Variants in CDK8 observed in about 807,000 individuals in gnomAD.
The protein encoded by CDK8 is cyclin-dependent kinase 8.
In CDK8, 29 loss-of-function variants were observed where a neutral mutation model predicts 71.5. The observed-to-expected ratio is 0.41, with a 90% CI of 0.30 to 0.55. The LOEUF (loss-of-function observed/expected upper bound fraction) is 0.55. Among genes scored for constraint, CDK8 ranks in the 20% least tolerant of loss-of-function variants. The pLI is 0.37. For missense variants in CDK8, 288 were observed against 572.6 expected (o/e 0.50, Z 5.07); for synonymous variants, 161 against 192.1 (o/e 0.84, Z 1.34).
At position 26,401,314 on chromosome 13, in the gene CDK8, A is replaced by G. The variant is rs751861135; in HGVS notation, c.1077A>G (p.Leu359=). 6.8e-6 allele frequency: 11 copies of G among 1,614,072 alleles called. No homozygotes were observed. The highest frequency in any genetic ancestry group is 4.2e-6 in the Non-Finnish European group (5 of 1,180,018). Reference sequence around the variant, plus strand: ...TCCCTTACCCAAAACGAGAATTTTTAACGGAAGAAGAACCTGATGACAAAG... The same window carrying G: ...TCCCTTACCCAAAACGAGAATTTTTGACGGAAGAAGAACCTGATGACAAAG... ...CQIPYPKREF[L]TEEEPDDKGD... The change falls in exon 11 of 13, where the codon TTA becomes TTG. Residue 359 remains leucine (L), a synonymous_variant. Coordinates refer to ENST00000381527, the MANE Select transcript of CDK8 (RefSeq NM_001260.3). This position sits in a 1 kb window ranked among gnomAD's most constrained non-coding sequence, Gnocchi z 4.5.
intron 4 of CDK8, among the ~76,000 whole-genome samples, chr13:26,365,222 A>G (rs1341538392): frequency 6.6e-6 from 1 of 152,174 alleles, no homozygotes; most frequent in East Asian, 1.9e-4. Flanking sequence ...AATTTAAATG[A>G]GATTTGCATT....
chr13:26,334,951 A>G (rs1345732285), intron 1 of CDK8, among the ~76,000 whole-genome samples: 1 of 152,014 alleles, frequency 6.6e-6, no homozygotes, highest in Non-Finnish European at 1.5e-5. Flanking sequence ...CTTTCTTCCT[A>G]TTACGATGGA....
intron 2 of CDK8, among the ~76,000 whole-genome samples, chr13:26,348,530 T>C (rs1340512057): frequency 6.6e-6 from 1 of 152,150 alleles, no homozygotes; most frequent in African/African-American, 2.4e-5. Flanking sequence ...TGAAACGGTT[T>C]CATCTTGAAA....
intron 1 of CDK8, among the ~76,000 whole-genome samples, chr13:26,286,842 A>T (rs1260234164): frequency 6.6e-6 from 1 of 152,226 alleles, no homozygotes; most frequent in Non-Finnish European, 1.5e-5. Context: ...TGGGCAAGGG[A>T]CATGAATAGA....
intron 1 of CDK8, among the ~76,000 whole-genome samples, chr13:26,261,991 C>G (rs1279872149): frequency 2.0e-5 from 3 of 152,234 alleles, no homozygotes; most frequent in African/African-American, 7.2e-5. Flanking sequence ...AACAGAGATT[C>G]ATACAGCTGC....
chr13:26,387,954 G>A (rs1421653531), intron 6 of CDK8, among the ~76,000 whole-genome samples: 1 of 152,174 alleles, frequency 6.6e-6, no homozygotes. Context: ...TTGTAAACCA[G>A]TGCCTACATA....
chr13:26,351,703 C>T (rs1873685560), intron 3 of CDK8, among the ~76,000 whole-genome samples: 1 of 152,052 alleles, frequency 6.6e-6, no homozygotes, highest in African/African-American at 2.4e-5. Flanking sequence ...TTATCATCAT[C>T]TTAATAATAT....
At chr13:26,258,330 C>T (rs1871619053) in intron 1 of CDK8, among the ~76,000 whole-genome samples, 1 of 152,002 alleles carries the variant, frequency 6.6e-6, no homozygotes, top group Non-Finnish European at 1.5e-5. Context: ...TATTCAAAAA[C>T]ATAAATACCT....
chr13:26,293,360 TG>T (rs1873390926), intron 1 of CDK8, among the ~76,000 whole-genome samples: 1 of 152,168 alleles, frequency 6.6e-6, no homozygotes, highest in African/African-American at 2.4e-5. Context: ...CGGAGCACTT[TG>T]GGCGGCCAAG....
intron 2 of CDK8, among the ~76,000 whole-genome samples, chr13:26,341,254 G>C (rs189898692): frequency 6.6e-6 from 1 of 152,120 alleles, no homozygotes; most frequent in African/African-American, 2.4e-5. Context: ...AGCCTCCTGA[G>C]TAGTTAGGAT....
At chr13:26,371,782 A>G (rs1593295594) in intron 4 of CDK8, among the ~76,000 whole-genome samples, 1 of 151,700 alleles carries the variant, frequency 6.6e-6, no homozygotes, top group African/African-American at 2.4e-5. Flanking sequence ...TGCCCAGCTA[A>G]TTTTTTTGTA....
In CDK8 at chr13:26,397,182, TG is replaced by T; in HGVS notation, c.892del (p.Glu298LysfsTer24). The T allele has an allele frequency of 6.3e-7, 1 of 1,595,530 alleles. No individual in the cohort carries two copies. The highest frequency in any genetic ancestry group is 8.6e-7 in the Non-Finnish European group (1 of 1,165,152). On this transcript the variant is annotated frameshift_variant, in exon 9 of 13. Transcript: ENST00000381527. LOFTEE classifies it high-confidence loss of function. ...TYTNCSLIKY[M>X]EKHKVKPDSK... ...ACCAACTGCAGCCTTATCAAGTATA[TG>T]GAAAAACATAAAGTTAAACCAGATA... is the stretch of plus-strand genomic sequence containing the variant.
chr13:26,280,455 C>T (rs535330149), intron 1 of CDK8, among the ~76,000 whole-genome samples: 6 of 152,278 alleles, frequency 3.9e-5, no homozygotes, highest in African/African-American at 9.6e-5. Context: ...CTAAGTAGCT[C>T]ATAGTGACTC....
intron 1 of CDK8, among the ~76,000 whole-genome samples, chr13:26,296,205 A>G (rs1873554436): frequency 6.6e-6 from 1 of 152,170 alleles, no homozygotes; most frequent in Non-Finnish European, 1.5e-5. Context: ...TCTTTTTAGT[A>G]ATGGTAAGGA....
intron 1 of CDK8, among the ~76,000 whole-genome samples, chr13:26,310,705 G>A (rs1426641192): frequency 6.6e-6 from 1 of 152,052 alleles, no homozygotes; most frequent in African/African-American, 2.4e-5. Context: ...TGCTCACCTC[G>A]TGCTGTGCAG....
intron 1 of CDK8, among the ~76,000 whole-genome samples, chr13:26,278,433 A>G (rs1018184193): frequency 5.9e-5 from 9 of 152,166 alleles, no homozygotes; most frequent in African/African-American, 1.9e-4. Flanking sequence ...TCCTCCGACC[A>G]CCGTTTCCCT....
intron 1 of CDK8, among the ~76,000 whole-genome samples, chr13:26,320,429 GAAAC>G (rs1470168144): frequency 1.3e-5 from 2 of 151,482 alleles, no homozygotes; most frequent in Non-Finnish European, 2.9e-5. Flanking sequence ...TAAAAAAAAA[GAAAC>G]AAAAAAACAA....
chr13:26,286,459 C>A (rs1203320309), intron 1 of CDK8, among the ~76,000 whole-genome samples: 1 of 152,132 alleles, frequency 6.6e-6, no homozygotes, highest in South Asian at 2.1e-4. Flanking sequence ...TGGCAAGCCA[C>A]ATGTAGAAGA....
chr13:26,340,809 C>T (rs1032114866), intron 2 of CDK8, among the ~76,000 whole-genome samples: 4 of 152,104 alleles, frequency 2.6e-5, no homozygotes, highest in Admixed American at 6.5e-5. Context: ...GTTTCTTCCC[C>T]AGTTTGTGCT....
Sources: allele counts gnomAD v4.1 joint callset (sites outside exome capture counted in the v4.1 genomes callset), GRCh38; gene constraint gnomAD v4.1.1; non-coding constraint Gnocchi (gnomAD v3.1); transcripts MANE v1.5; gene names NCBI Gene and HGNC (gene_info 2026-07-23, HGNC 2026-07-21).